Variants in CDH12 observed in about 807,000 individuals in gnomAD.
CDH12 encodes the protein cadherin-12.
In CDH12, 41 loss-of-function variants were observed where a neutral mutation model predicts 74.1. The observed-to-expected ratio is 0.55, with a 90% CI of 0.43 to 0.72. The LOEUF (loss-of-function observed/expected upper bound fraction) is 0.72. Among genes scored for constraint, CDH12 ranks in the 30% least tolerant of loss-of-function variants. CDH12 has a pLI of 0.00. For synonymous variants in CDH12, 399 were observed against 355.0 expected (o/e 1.12, Z -1.39); for missense variants, 945 against 977.2 (o/e 0.97, Z 0.44).
chr5:22,117,523 AATATAT>A (rs60686782), intron 4 of CDH12, among the ~76,000 whole-genome samples: 796 of 65,464 alleles, frequency 0.012, 13 homozygotes, highest in Middle Eastern at 0.014. Context: ...ATATATATAT[AATATAT>A]ATATATATAT....
At chr5:22,775,819 T>G (rs1234407366) in intron 1 of CDH12, among the ~76,000 whole-genome samples, 1 of 152,168 alleles carries the variant, frequency 6.6e-6, no homozygotes, top group Non-Finnish European at 1.5e-5. Flanking sequence ...TTGAATTGTA[T>G]CTCCCAGAAT....
intron 4 of CDH12, among the ~76,000 whole-genome samples, chr5:22,116,336 T>A (rs1288918391): frequency 6.6e-6 from 1 of 152,156 alleles, no homozygotes; most frequent in Admixed American, 6.5e-5. Context: ...CCTGAATTCT[T>A]CCAACAACCA....
chr5:22,345,095 C>T (rs569185076), intron 3 of CDH12, among the ~76,000 whole-genome samples: 2 of 152,282 alleles, frequency 1.3e-5, no homozygotes, highest in African/African-American at 4.8e-5. Context: ...AACTTAACAG[C>T]GCACTGCAAC....
At chr5:21,829,993 A>C (rs752228319) in intron 8 of CDH12, among the ~76,000 whole-genome samples, 16 of 151,630 alleles carry the variant, frequency 1.1e-4, no homozygotes, top group Non-Finnish European at 1.6e-4. Flanking sequence ...GAGGTCAGGA[A>C]TTTAAGACCA....
chr5:22,618,035 C>T (rs1737776589), intron 1 of CDH12, among the ~76,000 whole-genome samples: 1 of 152,206 alleles, frequency 6.6e-6, no homozygotes, highest in East Asian at 1.9e-4. Flanking sequence ...GTCAACCAGT[C>T]TCTCCAGTTT....
intron 6 of CDH12, among the ~76,000 whole-genome samples, chr5:21,904,812 G>T (rs960650346): frequency 2.6e-5 from 4 of 151,460 alleles, no homozygotes; most frequent in African/African-American, 9.7e-5. Flanking sequence ...CAGAAAGAAA[G>T]AAAAAGGAAA....
At chr5:21,815,686 G>A (rs1043301866) in intron 9 of CDH12, among the ~76,000 whole-genome samples, 1 of 151,802 alleles carries the variant, frequency 6.6e-6, no homozygotes, top group Non-Finnish European at 1.5e-5. Context: ...GCTCTCTCAC[G>A]TCCATTACTG....
At chr5:22,833,963 C>G (rs1736720613) in intron 1 of CDH12, among the ~76,000 whole-genome samples, 2 of 152,070 alleles carry the variant, frequency 1.3e-5, no homozygotes, top group South Asian at 4.1e-4. Flanking sequence ...TTGTTTTGAA[C>G]CAAAGGACAT....
intron 7 of CDH12, among the ~76,000 whole-genome samples, chr5:21,848,973 T>C (rs1200504070): frequency 6.6e-6 from 1 of 151,938 alleles, no homozygotes; most frequent in African/African-American, 2.4e-5. Context: ...ATGTTATAGA[T>C]ACATGTGCAT....
At chr5:21,841,113 C>T (rs2149984587) in intron 8 of CDH12, among the ~76,000 whole-genome samples, 1 of 152,172 alleles carries the variant, frequency 6.6e-6, no homozygotes, top group South Asian at 2.1e-4. Flanking sequence ...ACTCATCTGA[C>T]AAAGGGCTAA....
chr5:22,053,767 G>A (rs141620977), intron 5 of CDH12, among the ~76,000 whole-genome samples: 1 of 152,136 alleles, frequency 6.6e-6, no homozygotes, highest in Non-Finnish European at 1.5e-5. Context: ...GTTAGAGCTC[G>A]CCTCTTACAT....
intron 2 of CDH12, among the ~76,000 whole-genome samples, chr5:22,411,632 G>A (rs953952245): frequency 6.6e-6 from 1 of 151,890 alleles, no homozygotes; most frequent in Non-Finnish European, 1.5e-5. Flanking sequence ...TCAAACCAAC[G>A]AAATTGATTG....
chr5:22,782,139 A>T (rs1747415138), intron 1 of CDH12, among the ~76,000 whole-genome samples: 1 of 152,120 alleles, frequency 6.6e-6, no homozygotes, highest in Non-Finnish European at 1.5e-5. Flanking sequence ...TTGGACTTGG[A>T]CTTTTGGGTT....
chr5:22,590,548 T>C (rs1352174085), intron 1 of CDH12, among the ~76,000 whole-genome samples: 3 of 152,188 alleles, frequency 2.0e-5, no homozygotes, highest in Non-Finnish European at 4.4e-5. Flanking sequence ...AAATACTCTT[T>C]AGTAATTTTT....
At chr5:21,942,550 T>G (rs1294130504) in intron 6 of CDH12, among the ~76,000 whole-genome samples, 2 of 151,914 alleles carry the variant, frequency 1.3e-5, no homozygotes, top group Non-Finnish European at 2.9e-5. Context: ...TCCTTGTATT[T>G]TAATTTTTCT....
intron 1 of CDH12, among the ~76,000 whole-genome samples, chr5:22,506,196 C>T (rs1736379868): frequency 6.6e-6 from 1 of 152,046 alleles, no homozygotes; most frequent in African/African-American, 2.4e-5. Context: ...ATAAAAGCAG[C>T]CCACAGTCAA....
At chr5:22,768,880 A>C (rs1274039934) in intron 1 of CDH12, among the ~76,000 whole-genome samples, 1 of 152,194 alleles carries the variant, frequency 6.6e-6, no homozygotes, top group Non-Finnish European at 1.5e-5. Flanking sequence ...AAGTTAACAC[A>C]GCTAATTAGA....
At chr5:22,451,537 A>G (rs1338217629) in intron 2 of CDH12, among the ~76,000 whole-genome samples, 1 of 151,940 alleles carries the variant, frequency 6.6e-6, no homozygotes, top group Non-Finnish European at 1.5e-5. Context: ...AAAGCCCTCA[A>G]TAAATTAGGT....
intron 8 of CDH12, among the ~76,000 whole-genome samples, chr5:21,821,699 A>C (rs1296528669): frequency 6.6e-6 from 1 of 151,940 alleles, no homozygotes; most frequent in African/African-American, 2.4e-5. Context: ...AAAACTCAAA[A>C]ACATACACTT....
Sources: allele counts gnomAD v4.1 joint callset (sites outside exome capture counted in the v4.1 genomes callset), GRCh38; gene constraint gnomAD v4.1.1; transcripts MANE v1.5; gene names NCBI Gene and HGNC (gene_info 2026-07-23, HGNC 2026-07-21).